The following PBX3 variants were observed in gnomAD, a reference collection of about 807,000 sequenced individuals.
The protein encoded by PBX3 is pre-B-cell leukemia transcription factor 3.
Under a neutral mutation model 48.5 loss-of-function variants are expected in PBX3, and 14 were observed. The observed-to-expected ratio is 0.29, with a 90% confidence interval of 0.19 to 0.45. The LOEUF (loss-of-function observed/expected upper bound fraction) is 0.45. Ranked by LOEUF, PBX3 falls within the 20% of genes least tolerant of loss-of-function variation. The pLI, the probability that PBX3 is intolerant of heterozygous loss-of-function variation, is 1.00. For synonymous variants in PBX3, 210 were observed against 200.3 expected, an observed-to-expected ratio of 1.05 and a Z score of -0.41; for missense variants, 386 against 546.7, an observed-to-expected ratio of 0.71 and a Z score of 2.93.
Position 125,923,116 on chromosome 9 carries a change from G to A in PBX3, c.517-6539G>A, listed in dbSNP as rs1030409257. Reference sequence around the variant, plus strand: ...CACTTAATAAGTTGTGAGACATTCAGCAAATGTTTTAGCAAATTATGAGTT... The same window carrying A: ...CACTTAATAAGTTGTGAGACATTCAACAAATGTTTTAGCAAATTATGAGTT... On this transcript the variant is annotated intron_variant, in intron 3 of 8. Transcript: ENST00000373489. Among the ~76,000 whole-genome samples, 36 of 152,224 alleles carry A rather than the reference G, an allele frequency of 2.4e-4. 1 individual carries two copies. The highest frequency in any genetic ancestry group is 8.7e-4 in the African/African-American group (36 of 41,466).
chr9:125,781,395 C>T (rs910294722), intron 2 of PBX3, among the ~76,000 whole-genome samples: 2 of 151,686 alleles, frequency 1.3e-5, no homozygotes, highest in African/African-American at 4.8e-5. Flanking sequence ...TGGCGCGCGC[C>T]TGCAATCGCA....
intron 2 of PBX3, among the ~76,000 whole-genome samples, chr9:125,806,478 T>C (rs1014846257): frequency 2.6e-5 from 4 of 152,174 alleles, no homozygotes; most frequent in Non-Finnish European, 4.4e-5. Flanking sequence ...GCTTCCAGGA[T>C]GGCACCTTGC....
At chr9:125,853,523 A>G (rs1220072445) in intron 2 of PBX3, among the ~76,000 whole-genome samples, 1 of 152,204 alleles carries the variant, frequency 6.6e-6, no homozygotes, top group African/African-American at 2.4e-5. Flanking sequence ...GAATACATCA[A>G]AATGTAGCTG....
intron 2 of PBX3, among the ~76,000 whole-genome samples, chr9:125,835,051 AGGGC>A (rs1564681292): frequency 1.3e-4 from 14 of 107,984 alleles, no homozygotes; most frequent in Admixed American, 2.1e-4. Flanking sequence ...AAAAAAAAAA[AGGGC>A]AAAAGATATG....
chr9:125,949,654 T>G (rs574445943), intron 5 of PBX3, among the ~76,000 whole-genome samples: 1 of 152,316 alleles, frequency 6.6e-6, no homozygotes, highest in Admixed American at 6.5e-5. Flanking sequence ...AACAATTAAA[T>G]GAAAGTTTTC....
chr9:125,806,699 G>A (rs1386064005), intron 2 of PBX3, among the ~76,000 whole-genome samples: 1 of 152,180 alleles, frequency 6.6e-6, no homozygotes, highest in Non-Finnish European at 1.5e-5. Context: ...TCATATGGGG[G>A]GAAATTGCAG....
chr9:125,780,370 A>ACCC (rs1837229358), intron 2 of PBX3, among the ~76,000 whole-genome samples: 1 of 110,716 alleles, frequency 9.0e-6, no homozygotes, highest in Non-Finnish European at 1.8e-5. Flanking sequence ...CGGGGAGCTG[A>ACCC]CCCCACCTCC....
chr9:125,905,647 A>G (rs1482687523), intron 2 of PBX3, among the ~76,000 whole-genome samples: 1 of 151,992 alleles, frequency 6.6e-6, no homozygotes, highest in African/African-American at 2.4e-5. Context: ...ATTCATCACC[A>G]TGAAAATTTA....
intron 2 of PBX3, among the ~76,000 whole-genome samples, chr9:125,778,952 T>G (rs2132023647): frequency 7.5e-6 from 1 of 133,692 alleles, no homozygotes; most frequent in East Asian, 2.0e-4. Context: ...TAATTCACAT[T>G]AATTACATTC....
At chr9:125,783,416 T>C (rs1421857089) in intron 2 of PBX3, among the ~76,000 whole-genome samples, 1 of 152,030 alleles carries the variant, frequency 6.6e-6, no homozygotes, top group East Asian at 1.9e-4. Flanking sequence ...GCCTCCTGAG[T>C]AGCTGGGACT....
intron 3 of PBX3, among the ~76,000 whole-genome samples, chr9:125,927,841 C>T (rs1841612461): frequency 6.6e-6 from 1 of 152,028 alleles, no homozygotes; most frequent in Admixed American, 6.6e-5. Context: ...GAGTTTGAGA[C>T]AAGTCTGGGC....
chr9:125,928,295 C>T (rs191035278), intron 3 of PBX3, among the ~76,000 whole-genome samples: 1 of 151,934 alleles, frequency 6.6e-6, no homozygotes, highest in Admixed American at 6.6e-5. Context: ...GGGAGGATTG[C>T]TTGAGCCCAG....
At chr9:125,831,787 T>A (rs1390210450) in intron 2 of PBX3, among the ~76,000 whole-genome samples, 2 of 152,226 alleles carry the variant, frequency 1.3e-5, no homozygotes, top group Non-Finnish European at 2.9e-5. Flanking sequence ...CCCCTTCAAG[T>A]TGGCTCCTGT....
chr9:125,965,446 G>T (rs1842511179), intron 8 of PBX3, among the ~76,000 whole-genome samples: 1 of 152,144 alleles, frequency 6.6e-6, no homozygotes, highest in African/African-American at 2.4e-5. Context: ...GATTAAGCCG[G>T]GGTGAAGTTT....
chr9:125,778,557 T>G (rs1314429840), intron 2 of PBX3, among the ~76,000 whole-genome samples: 1 of 151,658 alleles, frequency 6.6e-6, no homozygotes, highest in Non-Finnish European at 1.5e-5. Context: ...GCGCCCGGCC[T>G]TTTTTTTCCT....
At chr9:125,913,900 A>G (rs1413715056) in intron 2 of PBX3, among the ~76,000 whole-genome samples, 1 of 152,180 alleles carries the variant, frequency 6.6e-6, no homozygotes, top group Non-Finnish European at 1.5e-5. Flanking sequence ...AAAATTAAAC[A>G]ATTCAAAGTG....
At chr9:125,955,170 C>CT (rs1246020098) in intron 5 of PBX3, among the ~76,000 whole-genome samples, 1 of 152,218 alleles carries the variant, frequency 6.6e-6, no homozygotes, top group Non-Finnish European at 1.5e-5. Context: ...AACTCCACTG[C>CT]TATAGATCTC....
intron 2 of PBX3, among the ~76,000 whole-genome samples, chr9:125,903,256 A>G (rs568597058): frequency 2.9e-4 from 44 of 151,940 alleles, no homozygotes; most frequent in Admixed American, 4.6e-4. Context: ...GTATATACAC[A>G]TGTGATTCAG....
chr9:125,843,435 A>T (rs1225365701), intron 2 of PBX3, among the ~76,000 whole-genome samples: 1 of 152,076 alleles, frequency 6.6e-6, no homozygotes, highest in African/African-American at 2.4e-5. Flanking sequence ...GAGAATTTTT[A>T]AAAAGGCTTT....
Sources: gnomAD v4.1 joint callset for allele counts (sites outside exome capture counted in the v4.1 genomes callset) on GRCh38, gnomAD v4.1.1 for gene constraint, MANE v1.5 for transcripts, NCBI Gene and HGNC (gene_info 2026-07-23, HGNC 2026-07-21) for gene names.